Variants in S100Z observed in about 807,000 individuals in gnomAD.
The protein encoded by S100Z is S100 calcium binding protein Z, also known as protein S100-Z.
Under a neutral mutation model 8.5 loss-of-function variants are expected in S100Z, and 11 were observed. The observed-to-expected ratio is 1.30, with a 90% confidence interval of 0.82 to 2.15. S100Z has a LOEUF of 2.15. Ranked by LOEUF, S100Z falls within the 30% of genes most tolerant of loss-of-function variation. The pLI, the probability that S100Z is intolerant of heterozygous loss-of-function variation, is 0.00. For synonymous variants in S100Z, 34 were observed against 43.8 expected (o/e 0.78, Z 0.89); for missense variants, 126 against 117.9 (o/e 1.07, Z -0.32).
At chr5:76,915,330 G>C (rs183956743) in intron 4 of S100Z, among the ~76,000 whole-genome samples, 41 of 137,376 alleles carry the variant, frequency 3.0e-4, no homozygotes, top group African/African-American at 1.1e-3. Context: ...AATGCTGGGC[G>C]TGATGGCTCA....
intron 1 of S100Z, among the ~76,000 whole-genome samples, chr5:76,861,567 G>A (rs1473746329): frequency 6.6e-6 from 1 of 152,184 alleles, no homozygotes; most frequent in Non-Finnish European, 1.5e-5. Flanking sequence ...TCGAACTCCT[G>A]ACCTCAGGTG....
At chr5:76,951,092 A>G in the S100Z span, among the ~76,000 whole-genome samples, 1 of 152,084 alleles carries the variant, frequency 6.6e-6, no homozygotes, top group African/African-American at 2.4e-5. Context: ...GGTGAAAACT[A>G]CACATTAATT....
intron 1 of S100Z, among the ~76,000 whole-genome samples, chr5:76,865,212 G>C (rs1299390265): frequency 6.6e-6 from 1 of 151,014 alleles, no homozygotes; most frequent in Non-Finnish European, 1.5e-5. Flanking sequence ...TGTAGGCCTA[G>C]GCTAATGTGT....
At chr5:76,910,775 C>T (rs1561249226) in intron 4 of S100Z, among the ~76,000 whole-genome samples, 1 of 152,184 alleles carries the variant, frequency 6.6e-6, no homozygotes, top group African/African-American at 2.4e-5. Context: ...AATTGACTTC[C>T]TCCTGGACAC....
At chr5:76,854,476 G>A (rs1341178332) in intron 1 of S100Z, among the ~76,000 whole-genome samples, 1 of 152,208 alleles carries the variant, frequency 6.6e-6, no homozygotes, top group Non-Finnish European at 1.5e-5. Context: ...TTGTACCCCT[G>A]CCCTAGAGAT....
At chr5:76,859,170 T>G (rs7736532) in intron 1 of S100Z, among the ~76,000 whole-genome samples, 1,733 of 151,966 alleles carry the variant, frequency 0.011, 24 homozygotes, top group African/African-American at 0.04. Context: ...AGCCAGAGAG[T>G]TTGCATTGGC....
chr5:76,877,527 C>A, intron 3 of S100Z, 147 bp from the exon 4 acceptor site: 1 of 591,142 alleles, frequency 1.7e-6, no homozygotes, highest in Non-Finnish European at 3.0e-6. Flanking sequence ...GGCTGGTTTA[C>A]ACCTACCTGT....
At chr5:76,901,625 C>G (rs1238680254) in intron 4 of S100Z, among the ~76,000 whole-genome samples, 1 of 151,814 alleles carries the variant, frequency 6.6e-6, no homozygotes, top group Non-Finnish European at 1.5e-5. Context: ...GGGCAGTGCA[C>G]TCCCCTCTGG....
At chr5:76,950,263 C>T in the S100Z span, among the ~76,000 whole-genome samples, 1 of 152,160 alleles carries the variant, frequency 6.6e-6, no homozygotes, top group Admixed American at 6.5e-5. Context: ...TTCTAACTTG[C>T]GTGCATAGGG....
chr5:76,850,895 T>C (rs956656134), intron 1 of S100Z, among the ~76,000 whole-genome samples: 1 of 152,170 alleles, frequency 6.6e-6, no homozygotes, highest in African/African-American at 2.4e-5. Flanking sequence ...CTCAGCTCAC[T>C]GCAACCTCCA....
chr5:76,916,119 C>T (rs1744846986), intron 4 of S100Z, among the ~76,000 whole-genome samples: 1 of 149,978 alleles, frequency 6.7e-6, no homozygotes, highest in African/African-American at 2.5e-5. Context: ...CGAGATTGTG[C>T]CACTGCACTC....
Position 76,875,371 on chromosome 5 carries a change from G to C in S100Z, c.12G>C (p.Gln4His), listed in dbSNP as rs1246957822. The change falls in exon 3 of 5, where the codon CAG (glutamine) becomes CAC (histidine). Residue 4 changes from glutamine to histidine, a missense_variant. By Grantham distance (24) the Gln-to-His change is conservative. Coordinates refer to ENST00000317593, the MANE Select transcript of S100Z (RefSeq NM_130772.4). ...GTTCTGCTGCCGACATGCCCACCCA[G>C]CTCGAGATGGCCATGGACACCATGA... Reference protein sequence around the residue: MPTQLEMAMDTMIR... With the variant: MPTHLEMAMDTMIR... 6.2e-7 allele frequency: 1 copy of C among 1,611,196 alleles called. No individual in the cohort carries two copies. The highest frequency in any genetic ancestry group is 8.5e-7 in the Non-Finnish European group (1 of 1,178,666).
intron 3 of S100Z, among the ~76,000 whole-genome samples, chr5:76,875,956 C>A (rs1261080487): frequency 6.6e-6 from 1 of 152,098 alleles, no homozygotes; most frequent in Non-Finnish European, 1.5e-5. Context: ...ACTTAGAGAG[C>A]TTTGTCAGCC....
At chr5:76,916,035 C>T (rs1057265468) in intron 4 of S100Z, among the ~76,000 whole-genome samples, 11 of 151,794 alleles carry the variant, frequency 7.2e-5, no homozygotes, top group African/African-American at 2.7e-4. Context: ...GAGGTACACA[C>T]TTGTAATCCC....
downstream of S100Z, among the ~76,000 whole-genome samples, chr5:76,926,214 C>T (rs1344524862): frequency 5.3e-5 from 8 of 151,878 alleles, no homozygotes; most frequent in Non-Finnish European, 7.4e-5. Flanking sequence ...GATATTAAGG[C>T]GATAGAATTG....
At chr5:76,879,148 C>T (rs1743301466) in intron 4 of S100Z, among the ~76,000 whole-genome samples, 1 of 152,162 alleles carries the variant, frequency 6.6e-6, no homozygotes, top group Admixed American at 6.5e-5. Flanking sequence ...ACCCATGTAG[C>T]TCTTTGTCTT....
chr5:76,948,115 C>T, the S100Z span, among the ~76,000 whole-genome samples: 1 of 152,054 alleles, frequency 6.6e-6, no homozygotes, highest in Non-Finnish European at 1.5e-5. Context: ...CATTTGAGGT[C>T]AGAAGTTCGA....
At chr5:76,908,097 A>C (rs899536553) in intron 4 of S100Z, among the ~76,000 whole-genome samples, 27 of 152,268 alleles carry the variant, frequency 1.8e-4, no homozygotes, top group African/African-American at 4.8e-4. Context: ...TTGCCACTGC[A>C]CTCCAGCCTG....
At chr5:76,866,822 T>C (rs1383866508) in intron 1 of S100Z, among the ~76,000 whole-genome samples, 1 of 152,224 alleles carries the variant, frequency 6.6e-6, no homozygotes, top group Non-Finnish European at 1.5e-5. Context: ...TCAGAATATA[T>C]TTCTGTCATT....
Sources: allele counts gnomAD v4.1 joint callset (sites outside exome capture counted in the v4.1 genomes callset), GRCh38; gene constraint gnomAD v4.1.1; transcripts MANE v1.5; gene names NCBI Gene and HGNC (gene_info 2026-07-23, HGNC 2026-07-21).